The following WNT5B variants were observed in gnomAD, a reference collection of about 807,000 sequenced individuals.
The protein encoded by WNT5B is protein Wnt-5b.
A neutral mutation model predicts 36.5 loss-of-function variants in WNT5B; 18 were observed. That is an observed-to-expected ratio of 0.49 (90% CI 0.34 to 0.73). The LOEUF (loss-of-function observed/expected upper bound fraction) is 0.73. Ranked by LOEUF, WNT5B falls within the 30% of genes least tolerant of loss-of-function variation. WNT5B has a pLI of 0.01. For synonymous variants in WNT5B, 213 were observed against 212.3 expected, an observed-to-expected ratio of 1.00 and a Z score of -0.03; for missense variants, 424 against 508.4, an observed-to-expected ratio of 0.83 and a Z score of 1.60.
At chr12:1,628,427 C>T (rs1261992739), upstream of WNT5B, among the ~76,000 whole-genome samples, 3 of 152,144 alleles carry the variant, frequency 2.0e-5, no homozygotes, top group Non-Finnish European at 2.9e-5. Flanking sequence ...CGAAGAGCCC[C>T]GCATTCTTAA....
rs2094585926 is a variant in WNT5B, at chr12:1,646,499, A to G, written c.*247A>G. On this transcript the variant is annotated 3_prime_UTR_variant, in exon 5 of 5. Coordinates refer to ENST00000397196, the MANE Select transcript of WNT5B (RefSeq NM_032642.3). ...TTCTCTCCCTCTGGCGAGGACTCTC[A>G]GGATGTAGGGACTTGGAAATATTTA... 4.1e-6 allele frequency: 1 copy of G among 241,880 alleles called. No individual in the cohort carries two copies. The highest frequency in any genetic ancestry group is 7.8e-6 in the Non-Finnish European group (1 of 127,610). 15.0% of individuals were successfully genotyped at this position (241,880 alleles called of 1,614,324 possible). A position where few individuals can be genotyped will look rare whatever the true frequency, so the allele number is the denominator to read the frequency against.
intron 4 of WNT5B, among the ~76,000 whole-genome samples, chr12:1,642,898 G>A (rs766206419): frequency 6.6e-6 from 1 of 151,914 alleles, no homozygotes; most frequent in Non-Finnish European, 1.5e-5. Flanking sequence ...GGAATTCCTG[G>A]CCCCCTTTAT....
chr12:1,621,753 C>T (rs2094534103), intron 1 of WNT5B, among the ~76,000 whole-genome samples: 1 of 150,680 alleles, frequency 6.6e-6, no homozygotes, highest in East Asian at 1.9e-4. Flanking sequence ...CTATGTCGGC[C>T]AGGCTGGTCT....
intron 1 of WNT5B, among the ~76,000 whole-genome samples, chr12:1,622,983 C>G (rs2154439294): frequency 6.6e-6 from 1 of 152,120 alleles, no homozygotes; most frequent in South Asian, 2.1e-4. Context: ...AAACCATTCC[C>G]AGAAGTCGGC....
At chr12:1,631,647 AT>A (rs1426482650) in intron 2 of WNT5B, among the ~76,000 whole-genome samples, 1 of 152,040 alleles carries the variant, frequency 6.6e-6, no homozygotes, top group Non-Finnish European at 1.5e-5. Context: ...CGTTCATTTG[AT>A]TTTTTTCTCT....
chr12:1,619,116 C>T (rs529914268), intron 1 of WNT5B, among the ~76,000 whole-genome samples: 10 of 144,038 alleles, frequency 6.9e-5, no homozygotes, highest in Admixed American at 1.4e-4. Context: ...CAGCCCCTCC[C>T]ACCAAGCCCC....
chr12:1,619,134 TC>T (rs1774167624), intron 1 of WNT5B, among the ~76,000 whole-genome samples: 1 of 9,764 alleles, frequency 1.0e-4, no homozygotes. Context: ...CCCCAGCCCC[TC>T]CCCACCCCTA....
intron 1 of WNT5B, among the ~76,000 whole-genome samples, chr12:1,622,706 C>T (rs2094535548): frequency 6.6e-6 from 1 of 152,196 alleles, no homozygotes. Flanking sequence ...TAGCAACTCC[C>T]ACATACCCCT....
At chr12:1,623,116 C>T (rs893947507) in intron 1 of WNT5B, among the ~76,000 whole-genome samples, 5 of 144,182 alleles carry the variant, frequency 3.5e-5, no homozygotes, top group East Asian at 2.0e-4. Context: ...TTCTGGAAGG[C>T]GTCATGTAAT....
chr12:1,623,203 T>TTTTTC lies in WNT5B; in HGVS notation c.-58+6064_-58+6065insCTTTT, dbSNP rs2094536530. On this transcript the variant is annotated intron_variant, in intron 1 of 4. Transcript: ENST00000310594. The stretch of plus-strand genomic sequence containing the variant: ...TTTTTTGTTGTTTTTTTTTTTTTTT[T>TTTTTC]TTTTTTTTTTGAGACGGAGTCTCGC... Among the ~76,000 whole-genome samples, 2 of 125,808 alleles carry TTTTTC rather than the reference T, an allele frequency of 1.6e-5. 1 individual carries two copies. Among genetic ancestry groups the TTTTTC allele is most frequent in the African/African-American group, 6.1e-5 (2 of 32,578 alleles). The allele number at this position is 125,808 out of a possible 152,430, so 82.5% of individuals were successfully genotyped here. A position where few individuals can be genotyped will look rare whatever the true frequency, so the allele number is the denominator to read the frequency against.
Position 1,632,607 on chromosome 12 carries a change from C to T in WNT5B, c.81-51C>T, listed in dbSNP as rs756814019. ...TGAATGACTTAATGCTGCACACAGG[C>T]GTATGCTCACTCCTGGGCCTTTTTT... On this transcript the variant is annotated intron_variant, in intron 2 of 4. Coordinates refer to ENST00000397196, the MANE Select transcript of WNT5B (RefSeq NM_032642.3). This position sits in a 1 kb window ranked among gnomAD's most constrained non-coding sequence, Gnocchi z 5.8. The T allele has an allele frequency of 3.2e-6, 5 of 1,558,752 alleles. No individual in the cohort carries two copies. The highest frequency in any genetic ancestry group is 1.8e-5 in the Admixed American group (1 of 55,792).
Position 1,645,774 on chromosome 12 carries a change from C to A in WNT5B, c.622-20C>A. 1 of 1,545,642 alleles carries A rather than the reference C, an allele frequency of 6.5e-7. No homozygotes were observed. Among genetic ancestry groups the A allele is most frequent in the South Asian group, 1.2e-5 (1 of 80,610 alleles). On this transcript the variant is annotated intron_variant, in intron 4 of 4. Transcript: ENST00000397196. Reference sequence around the variant, plus strand: ...TCCACCGGGATCCTCCTTCTTACTGCCTTCTTTCTCTTCCCCTAGGCTGTG... The same window carrying A: ...TCCACCGGGATCCTCCTTCTTACTGACTTCTTTCTCTTCCCCTAGGCTGTG...
At chr12:1,627,323 G>T (rs1476969245), upstream of WNT5B, among the ~76,000 whole-genome samples, 1 of 152,176 alleles carries the variant, frequency 6.6e-6, no homozygotes, top group Non-Finnish European at 1.5e-5. This position sits in a 1 kb window ranked among gnomAD's most constrained non-coding sequence, Gnocchi z 5.0. Context: ...GTGGGAGGTG[G>T]CTCCATTTCC....
intron 1 of WNT5B, chr12:1,629,966 C>T: frequency 5.0e-6 from 1 of 199,344 alleles, no homozygotes; most frequent in Non-Finnish European, 9.0e-6. Flanking sequence ...TGCCCCCTGC[C>T]GGCCCCACAC....
rs368046148 is a variant in WNT5B at position 1,632,949 on chromosome 12, G to A, written c.328+44G>A. ...AGGGCTCGGCCAAGGAACTGCACTC[G>A]TCTCGTTTGGGAGCAATTAAGCTCT... On this transcript the variant is annotated intron_variant, in intron 3 of 4. Coordinates refer to ENST00000397196, the MANE Select transcript of WNT5B (RefSeq NM_032642.3). The surrounding 1 kb of genome is among the most constrained non-coding windows in gnomAD (Gnocchi z 5.8). The A allele has an allele frequency of 1.8e-5, 28 of 1,563,228 alleles. No homozygotes were observed. Among genetic ancestry groups the A allele is most frequent in the Admixed American group, 3.5e-5 (2 of 57,082 alleles).
chr12:1,633,598 G>C lies in WNT5B; in HGVS notation c.328+693G>C, dbSNP rs564706177. On this transcript the variant is annotated intron_variant, in intron 3 of 4. Transcript: ENST00000397196. The surrounding 1 kb of genome is among the most constrained non-coding windows in gnomAD (Gnocchi z 4.8). The stretch of plus-strand genomic sequence containing the variant: ...TGTGATCTGAGGTCTAATTGTTTTA[G>C]GTCCTTTTGAAATGCAATCCTCTCC... Among the ~76,000 whole-genome samples, 4 of 152,232 alleles carry C rather than the reference G, an allele frequency of 2.6e-5. No homozygotes were observed. Among genetic ancestry groups the C allele is most frequent in the African/African-American group, 9.6e-5 (4 of 41,528 alleles).
chr12:1,625,004 A>G (rs1375849388), upstream of WNT5B, among the ~76,000 whole-genome samples: 1 of 152,042 alleles, frequency 6.6e-6, no homozygotes, highest in Non-Finnish European at 1.5e-5. Context: ...AAGTAGTTTA[A>G]TATCTGGATT....
In WNT5B at chr12:1,643,686, CTTT is replaced by C. The variant is rs368172169; in HGVS notation, c.622-2091_622-2089del. 2.7e-3 allele frequency among the ~76,000 whole-genome samples: 267 copies of C among 97,474 alleles called. 1 individual carries two copies. Among genetic ancestry groups the C allele is most frequent in the African/African-American group, 9.8e-3 (249 of 25,452 alleles). The allele number at this position is 97,474 out of a possible 152,430, so 63.9% of individuals were successfully genotyped here. ...CGGCGAACTAAAACATTTTTGAAAG[CTTT>C]TTTTTTTTTTTTTTTTGCTTTTTGA... On this transcript the variant is annotated intron_variant, in intron 4 of 4. Coordinates refer to ENST00000397196, the MANE Select transcript of WNT5B (RefSeq NM_032642.3).
intron 1 of WNT5B, 95 bp from the exon 2 acceptor site, chr12:1,631,203 A>G (rs758611328): frequency 1.9e-4 from 217 of 1,136,392 alleles, no homozygotes; most frequent in Non-Finnish European, 2.5e-4. Context: ...CGCAGCACGT[A>G]AGCATCAGTG....
Sources: gnomAD v4.1 joint callset for allele counts (sites outside exome capture counted in the v4.1 genomes callset) on GRCh38, gnomAD v4.1.1 for gene constraint, Gnocchi (gnomAD v3.1) non-coding constraint, MANE v1.5 for transcripts, NCBI Gene and HGNC (gene_info 2026-07-23, HGNC 2026-07-21) for gene names.